Variants in EYA1 observed in about 807,000 individuals in gnomAD.
EYA1 encodes protein phosphatase EYA1.
In EYA1, 16 loss-of-function variants were observed where a neutral mutation model predicts 82.0. The ratio of observed to expected loss-of-function variants is 0.20; its 90% confidence interval spans 0.13 to 0.30. The LOEUF is 0.30. EYA1 is among the 10% of genes least tolerant of loss of function. The pLI is 1.00. For synonymous variants in EYA1, 261 were observed against 264.4 expected, an observed-to-expected ratio of 0.99 and a Z score of 0.12; for missense variants, 633 against 730.7, an observed-to-expected ratio of 0.87 and a Z score of 1.54.
intron 2 of EYA1, among the ~76,000 whole-genome samples, chr8:71,464,936 C>T (rs1179912467): frequency 6.6e-6 from 1 of 152,248 alleles, no homozygotes; most frequent in South Asian, 2.1e-4. Flanking sequence ...ATTACAACTT[C>T]CCCCTGAGTA....
intron 12 of EYA1, among the ~76,000 whole-genome samples, chr8:71,241,418 GTA>G (rs1475151668): frequency 2.0e-5 from 3 of 152,142 alleles, no homozygotes; most frequent in Non-Finnish European, 4.4e-5. Context: ...TTTTAAGCAT[GTA>G]CACTGATTCA....
rs867791421 is a variant in EYA1, at chr8:71,437,072, C to A, written c.34-80561G>T. Among the ~76,000 whole-genome samples, 462 of 108,094 alleles carry A rather than the reference C, an allele frequency of 4.3e-3. 5 individuals carry two copies. Among genetic ancestry groups the A allele is most frequent in the African/African-American group, 0.016 (433 of 27,080 alleles). The allele number at this position is 108,094 out of a possible 152,430, so 70.9% of individuals were successfully genotyped here. On this transcript the variant is annotated intron_variant, in intron 2 of 18. Coordinates refer to the EYA1 transcript ENST00000643681. ...TATATCTACATATATATATATATAT[C>A]TCCATCTTGTTTATATATATATATA... is the stretch of plus-strand genomic sequence containing the variant.
At chr8:71,349,285 T>C (rs990164745) in intron 3 of EYA1, among the ~76,000 whole-genome samples, 14 of 152,248 alleles carry the variant, frequency 9.2e-5, no homozygotes. Context: ...CCACTGGTTC[T>C]TGCACAGCGC....
chr8:71,499,507 C>T (rs1586836825), intron 2 of EYA1, among the ~76,000 whole-genome samples: 1 of 152,180 alleles, frequency 6.6e-6, no homozygotes, highest in African/African-American at 2.4e-5. Flanking sequence ...ATTCCAGGAC[C>T]TGCTCAGAGC....
intron 3 of EYA1, among the ~76,000 whole-genome samples, chr8:71,342,634 T>TA (rs1379443323): frequency 6.6e-6 from 1 of 152,180 alleles, no homozygotes; most frequent in Non-Finnish European, 1.5e-5. Context: ...AATTTGTAGA[T>TA]AAAAAATGTG....
intron 2 of EYA1, among the ~76,000 whole-genome samples, chr8:71,406,737 TCG>T (rs1443299516): frequency 6.6e-6 from 1 of 151,228 alleles, no homozygotes; most frequent in East Asian, 1.9e-4. Flanking sequence ...CCACGGAATC[TCG>T]CTGATTGCTA....
chr8:71,451,040 C>T (rs377024846), intron 2 of EYA1, among the ~76,000 whole-genome samples: 2 of 152,086 alleles, frequency 1.3e-5, no homozygotes, highest in Non-Finnish European at 2.9e-5. Context: ...CTATTATCAC[C>T]CATTAAATTG....
chr8:71,378,043 C>A (rs886601046), intron 2 of EYA1, among the ~76,000 whole-genome samples: 5 of 152,136 alleles, frequency 3.3e-5, no homozygotes, highest in African/African-American at 4.8e-5. Flanking sequence ...AACATCTTCT[C>A]CCATGTGATC....
chr8:71,316,969 T>A (rs556081744), intron 7 of EYA1, among the ~76,000 whole-genome samples: 36 of 152,228 alleles, frequency 2.4e-4, no homozygotes, highest in Non-Finnish European at 4.7e-4. Context: ...TTATGTTTTG[T>A]CTATATTTTC....
intron 2 of EYA1, among the ~76,000 whole-genome samples, chr8:71,454,298 T>G (rs1336668842): frequency 6.6e-6 from 1 of 152,216 alleles, no homozygotes; most frequent in African/African-American, 2.4e-5. Context: ...ATAAAGAGAC[T>G]TAGTCTCCCA....
chr8:71,403,956 A>G (rs1242809886), intron 2 of EYA1: 1 of 152,236 alleles, frequency 6.6e-6, no homozygotes, highest in African/African-American at 2.4e-5. Flanking sequence ...CTTAAAGTAC[A>G]TACTTGTTTT....
Position 71,338,634 on chromosome 8 carries a change from G to A in EYA1, c.125-4460C>T, listed in dbSNP as rs375952808. On this transcript the variant is annotated intron_variant, in intron 3 of 17. Coordinates refer to ENST00000340726, the MANE Select transcript of EYA1 (RefSeq NM_000503.6). ...GAAGACTTCTACATCTGCAGAAGAT[G>A]TCAGACCATTCAGAAGAAACAAATA... Among the ~76,000 whole-genome samples, 6 of 152,324 alleles carry A rather than the reference G, an allele frequency of 3.9e-5. No homozygotes were observed. In the East Asian group the frequency reaches 9.6e-4, roughly 24 times the overall value.
intron 11 of EYA1, among the ~76,000 whole-genome samples, chr8:71,255,764 G>GA (rs2128923672): frequency 6.6e-6 from 1 of 151,944 alleles, no homozygotes; most frequent in South Asian, 2.1e-4. Flanking sequence ...ATAATCAAAG[G>GA]AAACAACAGT....
At chr8:71,321,653 G>T (rs1822560331) in intron 6 of EYA1, 81 bp downstream of exon 6, 2 of 1,524,562 alleles carry the variant, frequency 1.3e-6, no homozygotes, top group East Asian at 2.4e-5. Context: ...GCCAAAGATT[G>T]GGTCTTTAAG....
intron 2 of EYA1, among the ~76,000 whole-genome samples, chr8:71,510,397 C>A (rs985698165): frequency 5.3e-5 from 8 of 152,070 alleles, no homozygotes; most frequent in Non-Finnish European, 1.0e-4. Flanking sequence ...TGTATTAGTC[C>A]GTTCTCATGC....
chr8:71,494,896 G>A (rs1056218708), intron 2 of EYA1, among the ~76,000 whole-genome samples: 3 of 151,950 alleles, frequency 2.0e-5, no homozygotes, highest in African/African-American at 7.3e-5. Flanking sequence ...GGAACTGTAA[G>A]TTTTAAAACT....
chr8:71,349,968 A>G (rs577318347), intron 3 of EYA1, among the ~76,000 whole-genome samples: 117 of 152,318 alleles, frequency 7.7e-4, no homozygotes, highest in African/African-American at 2.6e-3. Flanking sequence ...GGAAAATATT[A>G]AATCCTAACA....
intron 11 of EYA1, among the ~76,000 whole-genome samples, chr8:71,255,818 A>G (rs1284506034): frequency 2.6e-5 from 4 of 152,172 alleles, no homozygotes; most frequent in Non-Finnish European, 5.9e-5. Flanking sequence ...TGAAAATCAT[A>G]TATTTAATAA....
chr8:71,410,991 T>C (rs1360941615), intron 2 of EYA1, among the ~76,000 whole-genome samples: 1 of 17,334 alleles, frequency 5.8e-5, no homozygotes, highest in African/African-American at 2.5e-4. Context: ...ACTACAAGGC[T>C]ACAGTAACCA....
Sources: gnomAD v4.1 joint callset for allele counts (sites outside exome capture counted in the v4.1 genomes callset) on GRCh38, gnomAD v4.1.1 for gene constraint, MANE v1.5 for transcripts, NCBI Gene and HGNC (gene_info 2026-07-23, HGNC 2026-07-21) for gene names.